The following MBP variants were observed in gnomAD, a reference collection of about 807,000 sequenced individuals.
The protein encoded by MBP is Golli-MBP.
A neutral mutation model predicts 35.8 loss-of-function variants in MBP; 16 were observed. The ratio of observed to expected loss-of-function variants is 0.45; its 90% CI spans 0.30 to 0.68. The LOEUF is 0.68. MBP is among the 30% of genes least tolerant of loss of function. The pLI is 0.08. For missense variants in MBP, 380 were observed against 404.7 expected (o/e 0.94, Z 0.52); for synonymous variants, 143 against 159.6 (o/e 0.90, Z 0.78).
chr18:77,013,330 T>C, intron 4 of MBP: 1 of 985,432 alleles, frequency 1.0e-6, no homozygotes, highest in Non-Finnish European at 1.2e-6. Flanking sequence ...AGGACACCCC[T>C]GTGTGTTGCT....
At chr18:77,132,267 A>C (rs893966505) in intron 1 of MBP, among the ~76,000 whole-genome samples, 1 of 151,664 alleles carries the variant, frequency 6.6e-6, no homozygotes, top group East Asian at 2.0e-4. Flanking sequence ...CGGCGCTGTA[A>C]ACCCGCGTCT....
chr18:77,038,167 G>T (rs147529459), intron 3 of MBP, among the ~76,000 whole-genome samples: 3 of 152,226 alleles, frequency 2.0e-5, no homozygotes, highest in Non-Finnish European at 2.9e-5. Flanking sequence ...CATGCGAGCC[G>T]CATAGAAATT....
chr18:77,094,839 A>G (rs944904465), intron 2 of MBP, among the ~76,000 whole-genome samples: 1 of 152,230 alleles, frequency 6.6e-6, no homozygotes, highest in African/African-American at 2.4e-5. Context: ...GCTTAAAAAT[A>G]TGACATTAAA....
chr18:77,125,151 C>T lies in MBP; in HGVS notation c.-26+7429G>A, dbSNP rs1317008164. On this transcript the variant is annotated intron_variant, in intron 1 of 8. Transcript: ENST00000355994. ...GCCCTTTCTTCTTCCTCTCCTTCGC[C>T]TTCCTTGTCATTGTCATGCTCTTAC... Among the ~76,000 whole-genome samples, 9 of 152,178 alleles carry T rather than the reference C, an allele frequency of 5.9e-5. No individual in the cohort carries two copies. The East Asian group carries it at 1.7e-3, about 29-fold the overall frequency.
chr18:77,015,324 G>A, intron 4 of MBP: 2 of 985,320 alleles, frequency 2.0e-6, no homozygotes, highest in South Asian at 4.7e-5. Flanking sequence ...AACTGGTGAT[G>A]CTGTATGCGT....
Position 76,988,295 on chromosome 18 carries a change from C to T in MBP, c.750+200G>A. 6.4e-7 allele frequency: 1 copy of T among 1,555,198 alleles called. No homozygotes were observed. The highest frequency in any genetic ancestry group is 2.0e-5 in the Admixed American group (1 of 51,266). ...GGTCCCCGGCACAGAAGCAAGAGAC[C>T]AGACCTTCCGGAAGGGAAGACCACG... On this transcript the variant is annotated intron_variant, in intron 7 of 8. Coordinates refer to ENST00000355994, the MANE Select transcript of MBP (RefSeq NM_001025101.2). The surrounding 1 kb of genome is among the most constrained non-coding windows in gnomAD (Gnocchi z 5.2).
intron 2 of MBP, among the ~76,000 whole-genome samples, chr18:77,080,919 G>A (rs1319512814): frequency 6.6e-6 from 1 of 152,106 alleles, no homozygotes; most frequent in Non-Finnish European, 1.5e-5. Context: ...CTGACCTCAA[G>A]TGATTCACCC....
chr18:77,029,074 G>T (rs188355622), intron 3 of MBP, among the ~76,000 whole-genome samples: 7,792 of 97,270 alleles, frequency 0.08, 1,143 homozygotes, highest in African/African-American at 0.13. Flanking sequence ...GGGAGGTGGA[G>T]GTTGTAGCGA....
At chr18:77,039,303 T>C (rs913761340) in intron 3 of MBP, among the ~76,000 whole-genome samples, 2 of 152,196 alleles carry the variant, frequency 1.3e-5, no homozygotes, top group Non-Finnish European at 2.9e-5. Flanking sequence ...GGGTGACTAG[T>C]TGGTGCTGCC....
At chr18:76,990,948 C>T (rs566092369) in intron 4 of MBP, 111 of 272,782 alleles carry the variant, frequency 4.1e-4, no homozygotes, top group African/African-American at 2.3e-3. Flanking sequence ...GGGGAAGTGA[C>T]GGTAATTCAA....
chr18:77,123,580 A>G (rs1976953674), intron 1 of MBP, among the ~76,000 whole-genome samples: 1 of 152,194 alleles, frequency 6.6e-6, no homozygotes, highest in Non-Finnish European at 1.5e-5. Flanking sequence ...GCTCATTAAA[A>G]TACATATTCC....
intron 3 of MBP, among the ~76,000 whole-genome samples, chr18:77,051,577 G>A (rs1973490184): frequency 6.6e-6 from 1 of 152,196 alleles, no homozygotes; most frequent in Non-Finnish European, 1.5e-5. Context: ...GTGCAGAACT[G>A]GGGCTGAAGG....
At chr18:77,116,172 G>C (rs1251874425) in intron 1 of MBP, among the ~76,000 whole-genome samples, 1 of 151,648 alleles carries the variant, frequency 6.6e-6, no homozygotes, top group Non-Finnish European at 1.5e-5. Context: ...CACTTTACTG[G>C]GCAACTGCCT....
Position 77,102,801 on chromosome 18 carries a change from G to A in MBP, c.51+2410C>T, listed in dbSNP as rs1976090797. ...AAATACCAACAGTGTTAACAGCCTA[G>A]AGGCCTCTGAGCAGAGCTGTTTTTT... On this transcript the variant is annotated intron_variant, in intron 2 of 8. Coordinates refer to ENST00000355994, the MANE Select transcript of MBP (RefSeq NM_001025101.2). The surrounding 1 kb of genome is among the most constrained non-coding windows in gnomAD (Gnocchi z 4.4). 6.6e-6 allele frequency among the ~76,000 whole-genome samples: 1 copy of A among 152,146 alleles called. No individual in the cohort carries two copies. The highest frequency in any genetic ancestry group is 2.4e-5 in the African/African-American group (1 of 41,430).
chr18:76,996,776 T>A (rs949240842), intron 4 of MBP, among the ~76,000 whole-genome samples: 1 of 152,178 alleles, frequency 6.6e-6, no homozygotes, highest in African/African-American at 2.4e-5. Context: ...TGTGTCCTTA[T>A]TATGGCGCTA....
At chr18:76,987,762 T>A in intron 7 of MBP, 1 of 1,010,170 alleles carries the variant, frequency 9.9e-7, no homozygotes, top group Non-Finnish European at 1.2e-6. Flanking sequence ...AAGAATCATA[T>A]CTGGTATTTG....
At chr18:77,005,050 G>C (rs1294620863) in intron 4 of MBP, 1 of 152,236 alleles carries the variant, frequency 6.6e-6, no homozygotes, top group Non-Finnish European at 1.5e-5. Context: ...GGCACAGAAG[G>C]ATACAACAAA....
chr18:77,094,227 G>A (rs8099782), intron 2 of MBP, among the ~76,000 whole-genome samples: 84,211 of 152,016 alleles, frequency 0.55, 25,861 homozygotes, highest in East Asian at 0.85. Flanking sequence ...GCCTGCCTTG[G>A]CCTCCCAAAG....
chr18:77,119,168 C>T (rs540548149), intron 1 of MBP, among the ~76,000 whole-genome samples: 1 of 152,138 alleles, frequency 6.6e-6, no homozygotes, highest in South Asian at 2.1e-4. Flanking sequence ...TTGCCCCAGC[C>T]CAGAACAGGC....
Sources: gnomAD v4.1 joint callset for allele counts (sites outside exome capture counted in the v4.1 genomes callset) on GRCh38, gnomAD v4.1.1 for gene constraint, Gnocchi (gnomAD v3.1) non-coding constraint, MANE v1.5 for transcripts, NCBI Gene and HGNC (gene_info 2026-07-23, HGNC 2026-07-21) for gene names.